The following LRP1B variants were observed in gnomAD, a reference collection of about 807,000 sequenced individuals.
LRP1B encodes low-density lipoprotein receptor-related protein 1B.
LRP1B carries 217 observed loss-of-function variants against 556.6 expected under a neutral mutation model. The ratio of observed to expected loss-of-function variants is 0.39; its 90% CI spans 0.35 to 0.44. LRP1B has a LOEUF of 0.44. Among genes scored for constraint, LRP1B ranks in the 20% least tolerant of loss-of-function variants. The pLI is 1.00. For missense variants in LRP1B, 5,053 were observed against 5,620.8 expected (o/e 0.90, Z 3.23); for synonymous variants, 2,047 against 1,865.8 (o/e 1.10, Z -2.50).
intron 7 of LRP1B, among the ~76,000 whole-genome samples, chr2:141,083,704 G>A (rs1699980769): frequency 6.6e-6 from 1 of 152,136 alleles, no homozygotes; most frequent in South Asian, 2.1e-4. Flanking sequence ...ACAGGAGTGG[G>A]ACTGGTGACT....
At chr2:141,702,686 G>T (rs1456792443) in intron 2 of LRP1B, among the ~76,000 whole-genome samples, 1 of 151,730 alleles carries the variant, frequency 6.6e-6, no homozygotes, top group East Asian at 1.9e-4. Flanking sequence ...TATTTTTCCA[G>T]GAAATTGTTT....
rs190206649 is a variant in LRP1B at position 141,415,054 on chromosome 2, A to G, written c.343+65342T>C. Among the ~76,000 whole-genome samples, 44 of 152,234 alleles carry G rather than the reference A, an allele frequency of 2.9e-4. No individual in the cohort carries two copies. In the East Asian group the frequency reaches 4.6e-3, roughly 16 times the overall value. ...TTTTGAGACGGAGTCTTGCTCTGTC[A>G]CCCAGGCTGAAGTGCAGTGGCGCTA... On this transcript the variant is annotated intron_variant, in intron 3 of 90. Transcript: ENST00000389484.
intron 32 of LRP1B, among the ~76,000 whole-genome samples, chr2:140,805,132 G>A (rs1690666302): frequency 1.3e-5 from 2 of 152,104 alleles, no homozygotes; most frequent in Non-Finnish European, 2.9e-5. Context: ...TGTGACATGA[G>A]TCTGCAAATA....
intron 1 of LRP1B, among the ~76,000 whole-genome samples, chr2:141,909,165 A>G (rs1056830493): frequency 2.0e-5 from 3 of 152,056 alleles, no homozygotes; most frequent in Non-Finnish European, 4.4e-5. Flanking sequence ...TTACAGAAGA[A>G]GGACTTGTTC....
At chr2:140,811,312 C>A (rs1490078728) in intron 32 of LRP1B, among the ~76,000 whole-genome samples, 1 of 152,086 alleles carries the variant, frequency 6.6e-6, no homozygotes. Flanking sequence ...AAGATAGATA[C>A]CTGCTCCATT....
At chr2:141,553,859 T>C (rs189516134) in intron 2 of LRP1B, among the ~76,000 whole-genome samples, 157 of 137,054 alleles carry the variant, frequency 1.1e-3, no homozygotes, top group African/African-American at 4.0e-3. Context: ...TATAGTTATA[T>C]AATATATCTA....
Position 140,535,964 on chromosome 2 carries a change from G to C in LRP1B, c.7642+617C>G, listed in dbSNP as rs182475924. ...TAATCCTGGAGACAGAAATAGAATC[G>C]ACAAGACTTTGATAACAAGCCAACG... On this transcript the variant is annotated intron_variant, in intron 46 of 90. Transcript: ENST00000389484. Among the ~76,000 whole-genome samples the C allele has an allele frequency of 4.1e-4, 63 of 152,088 alleles. 1 individual carries two copies. In the East Asian group the frequency reaches 0.01, roughly 25 times the overall value.
In LRP1B at chr2:141,117,229, C is replaced by A. The variant is rs1408949826; in HGVS notation, c.1014-54956G>T. Among the ~76,000 whole-genome samples, 21 of 99,376 alleles carry A rather than the reference C, an allele frequency of 2.1e-4. No individual in the cohort carries two copies. In the Admixed American group the frequency reaches 3.1e-3, roughly 15 times the overall value. 65.2% of individuals were successfully genotyped at this position (99,376 alleles called of 152,430 possible). On this transcript the variant is annotated intron_variant, in intron 7 of 90. Transcript: ENST00000389484. ...TGTAGGATAAGAATTACATGTTTGG[C>A]TACTTCATTTTTTTTTTTTTTTTTT...
At chr2:140,468,621 TTA>T (rs2105338813) in intron 60 of LRP1B, among the ~76,000 whole-genome samples, 1 of 152,276 alleles carries the variant, frequency 6.6e-6, no homozygotes, top group African/African-American at 2.4e-5. Context: ...CTCAGCAAAA[TTA>T]TGGAGGCAGG....
intron 52 of LRP1B, among the ~76,000 whole-genome samples, chr2:140,509,716 C>T (rs150983953): frequency 3.3e-5 from 5 of 152,202 alleles, no homozygotes; most frequent in East Asian, 1.9e-4. Flanking sequence ...ATGGGTAATC[C>T]GACTGTGCAT....
chr2:141,175,941 A>T (rs1680715295), intron 7 of LRP1B, among the ~76,000 whole-genome samples: 1 of 152,092 alleles, frequency 6.6e-6, no homozygotes, highest in Admixed American at 6.5e-5. Context: ...GTCAAAGGAA[A>T]TCATTTCAGA....
chr2:141,519,593 G>C (rs780395574), intron 2 of LRP1B, among the ~76,000 whole-genome samples: 1 of 151,838 alleles, frequency 6.6e-6, no homozygotes, highest in South Asian at 2.1e-4. Flanking sequence ...TTATTGACTT[G>C]AGATGTGAAA....
intron 41 of LRP1B, among the ~76,000 whole-genome samples, chr2:140,684,740 C>T (rs1436405432): frequency 6.6e-6 from 1 of 152,120 alleles, no homozygotes. Context: ...TACTTATTTA[C>T]CAACATCCCT....
At chr2:140,865,807 A>G (rs191611151) in intron 27 of LRP1B, among the ~76,000 whole-genome samples, 3 of 152,260 alleles carry the variant, frequency 2.0e-5, no homozygotes, top group Admixed American at 6.5e-5. Flanking sequence ...GAAAAATCAT[A>G]TATAAATCAT....
At chr2:140,735,894 G>GA (rs1197587170) in intron 35 of LRP1B, among the ~76,000 whole-genome samples, 6 of 152,126 alleles carry the variant, frequency 3.9e-5, no homozygotes, top group East Asian at 3.9e-4. Context: ...AAGGACCAGG[G>GA]AAAAAAACCC....
intron 3 of LRP1B, among the ~76,000 whole-genome samples, chr2:141,410,870 C>T (rs1425992042): frequency 6.6e-6 from 1 of 151,960 alleles, no homozygotes; most frequent in Admixed American, 6.6e-5. Context: ...TTACTTTAAG[C>T]TGTAACACAA....
In LRP1B at chr2:140,358,806, A is replaced by T. The variant is rs1682365291; in HGVS notation, c.11257+15T>A. ...CATAGCCATCACTGAATTATTTCAC[A>T]TTAAATGCATTTACCACCACAGTGA... On this transcript the variant is annotated intron_variant, in intron 73 of 90. Transcript: ENST00000389484. The T allele has an allele frequency of 6.2e-7, 1 of 1,605,724 alleles. No individual in the cohort carries two copies. Among genetic ancestry groups the T allele is most frequent in the Admixed American group, 1.7e-5 (1 of 59,730 alleles).
chr2:141,120,544 G>A (rs940401806), intron 7 of LRP1B, among the ~76,000 whole-genome samples: 3 of 151,920 alleles, frequency 2.0e-5, no homozygotes, highest in Non-Finnish European at 4.4e-5. Flanking sequence ...AATCTTTTGT[G>A]AAAGTGTTTT....
At chr2:141,860,044 C>T (rs1260884705) in intron 1 of LRP1B, among the ~76,000 whole-genome samples, 1 of 152,128 alleles carries the variant, frequency 6.6e-6, no homozygotes, top group Non-Finnish European at 1.5e-5. Flanking sequence ...ACATCGTACA[C>T]CTCTTGAAAC....
Sources: gnomAD v4.1 joint callset for allele counts (sites outside exome capture counted in the v4.1 genomes callset) on GRCh38, gnomAD v4.1.1 for gene constraint, MANE v1.5 for transcripts, NCBI Gene and HGNC (gene_info 2026-07-23, HGNC 2026-07-21) for gene names.